Variants in SGCZ observed in about 807,000 individuals in gnomAD.
The protein encoded by SGCZ is zeta-sarcoglycan.
Under a neutral mutation model 41.3 loss-of-function variants are expected in SGCZ, and 40 were observed. That is an observed-to-expected ratio of 0.97 (90% CI 0.75 to 1.26). The LOEUF is 1.26. Among genes scored for constraint, SGCZ ranks in the 50% most tolerant of loss-of-function variants. The pLI is 0.00. For synonymous variants in SGCZ, 206 were observed against 137.5 expected, an observed-to-expected ratio of 1.50 and a Z score of -3.49; for missense variants, 552 against 369.8, an observed-to-expected ratio of 1.49 and a Z score of -4.04.
chr8:14,394,897 A>G (rs1346614939), intron 2 of SGCZ, among the ~76,000 whole-genome samples: 1 of 152,190 alleles, frequency 6.6e-6, no homozygotes, highest in African/African-American at 2.4e-5. Flanking sequence ...TATTGTGCAG[A>G]TATCAAGAAC....
At chr8:14,589,405 C>G (rs1364744364) in intron 1 of SGCZ, among the ~76,000 whole-genome samples, 1 of 151,418 alleles carries the variant, frequency 6.6e-6, no homozygotes, top group Non-Finnish European at 1.5e-5. Flanking sequence ...AACTCATTTC[C>G]TAATAATACC....
At chr8:14,407,893 G>C (rs1311251439) in intron 2 of SGCZ, among the ~76,000 whole-genome samples, 1 of 152,166 alleles carries the variant, frequency 6.6e-6, no homozygotes, top group Admixed American at 6.6e-5. Flanking sequence ...GCTGTCAGGA[G>C]AAAAGGAACC....
intron 1 of SGCZ, among the ~76,000 whole-genome samples, chr8:14,953,306 G>T (rs542419272): frequency 2.0e-4 from 30 of 152,214 alleles, no homozygotes; most frequent in African/African-American, 6.3e-4. Context: ...AGGGGGAAGC[G>T]CTACGTACAT....
intron 4 of SGCZ, among the ~76,000 whole-genome samples, chr8:14,223,651 A>G (rs1055723692): frequency 1.3e-5 from 2 of 152,148 alleles, no homozygotes; most frequent in African/African-American, 4.8e-5. Context: ...TAGGTAATTT[A>G]ATGCTGCTTA....
intron 3 of SGCZ, among the ~76,000 whole-genome samples, chr8:14,283,371 G>A (rs1420120494): frequency 6.6e-6 from 1 of 151,944 alleles, no homozygotes; most frequent in East Asian, 1.9e-4. Flanking sequence ...ATTACTACAC[G>A]TCCTCTGTAA....
intron 2 of SGCZ, among the ~76,000 whole-genome samples, chr8:14,377,512 T>A (rs1338362556): frequency 1.3e-5 from 2 of 151,850 alleles, no homozygotes; most frequent in African/African-American, 2.4e-5. Flanking sequence ...ATTATTTTTA[T>A]TTTTTTTGTT....
At chr8:14,952,284 TG>T (rs1362328350) in intron 1 of SGCZ, among the ~76,000 whole-genome samples, 2 of 152,286 alleles carry the variant, frequency 1.3e-5, no homozygotes, top group East Asian at 3.9e-4. Flanking sequence ...ACTCTGGCTT[TG>T]GCTTATTTTA....
intron 3 of SGCZ, among the ~76,000 whole-genome samples, chr8:14,283,010 C>T (rs1392664184): frequency 3.3e-5 from 5 of 150,732 alleles, no homozygotes; most frequent in East Asian, 2.0e-4. Context: ...CCACCACGCC[C>T]GGCTAATTTT....
At chr8:14,325,329 C>T (rs2117035427) in intron 2 of SGCZ, among the ~76,000 whole-genome samples, 1 of 151,870 alleles carries the variant, frequency 6.6e-6, no homozygotes, top group South Asian at 2.1e-4. Context: ...CAAGATTCAT[C>T]CAAGGTTTCA....
At chr8:14,287,491 T>G (rs1800682334) in intron 3 of SGCZ, among the ~76,000 whole-genome samples, 2 of 152,016 alleles carry the variant, frequency 1.3e-5, no homozygotes, top group Non-Finnish European at 2.9e-5. Context: ...TGTAAGATAT[T>G]AATGAGTTTG....
chr8:14,175,120 A>G (rs994653705), intron 4 of SGCZ, among the ~76,000 whole-genome samples: 3 of 152,178 alleles, frequency 2.0e-5, no homozygotes, highest in Admixed American at 6.5e-5. Context: ...CATTCAACCT[A>G]TAAAATGTGT....
chr8:14,996,365 T>C (rs1802219509), intron 1 of SGCZ, among the ~76,000 whole-genome samples: 1 of 152,148 alleles, frequency 6.6e-6, no homozygotes, highest in Non-Finnish European at 1.5e-5. Flanking sequence ...GTGATGACAA[T>C]GAAAGTTGTT....
chr8:14,178,048 C>T (rs1178900856), intron 4 of SGCZ, among the ~76,000 whole-genome samples: 2 of 144,454 alleles, frequency 1.4e-5, no homozygotes, highest in African/African-American at 2.6e-5. Context: ...ACCTCTGCCT[C>T]CTGGGTTCAA....
intron 1 of SGCZ, among the ~76,000 whole-genome samples, chr8:15,189,752 T>C (rs571915378): frequency 4.5e-4 from 69 of 152,206 alleles, no homozygotes; most frequent in Non-Finnish European, 7.5e-4. Context: ...GGTTTTACCA[T>C]GTTGCCCAGG....
At position 14,986,790 on chromosome 8, in the gene SGCZ, C is replaced by T. The variant is rs192873289; in HGVS notation, c.39+250795G>A. On this transcript the variant is annotated intron_variant, in intron 1 of 7. Transcript: ENST00000382080. ...GAAGCCTAAGGCAAACTTCTGTGAC[C>T]TGTCAATTTAATAATAAAAGTTTGT... Among the ~76,000 whole-genome samples, 7 of 152,020 alleles carry T rather than the reference C, an allele frequency of 4.6e-5. No individual in the cohort carries two copies. In the East Asian group the frequency reaches 1.4e-3, roughly 29 times the overall value.
At chr8:14,818,133 A>G (rs1288657364) in intron 1 of SGCZ, among the ~76,000 whole-genome samples, 1 of 152,076 alleles carries the variant, frequency 6.6e-6, no homozygotes, top group African/African-American at 2.4e-5. Flanking sequence ...CTCCCTGGAG[A>G]GACAGCTGCA....
intron 1 of SGCZ, among the ~76,000 whole-genome samples, chr8:15,076,405 T>C (rs1805532318): frequency 6.6e-6 from 1 of 152,246 alleles, no homozygotes; most frequent in African/African-American, 2.4e-5. Flanking sequence ...AAACTGTGAT[T>C]GCAGAAAGAG....
At chr8:14,521,931 T>C (rs751637622) in intron 2 of SGCZ, among the ~76,000 whole-genome samples, 1 of 152,094 alleles carries the variant, frequency 6.6e-6, no homozygotes, top group African/African-American at 2.4e-5. Flanking sequence ...AGGAAGTTTC[T>C]CTCTATTACT....
At chr8:15,186,262 CAAAAAAAAA>C (rs61237091) in intron 1 of SGCZ, among the ~76,000 whole-genome samples, 3 of 80,716 alleles carry the variant, frequency 3.7e-5, no homozygotes, top group East Asian at 3.1e-4. Flanking sequence ...GATTCCGTAC[CAAAAAAAAA>C]AAAAAAAAAA....
Sources: gnomAD v4.1 joint callset for allele counts (sites outside exome capture counted in the v4.1 genomes callset) on GRCh38, gnomAD v4.1.1 for gene constraint, MANE v1.5 for transcripts, NCBI Gene and HGNC (gene_info 2026-07-23, HGNC 2026-07-21) for gene names.